Variants in ATXN7L1 observed in about 807,000 individuals in gnomAD.
ATXN7L1 encodes ataxin 7 like 1.
In ATXN7L1, 15 loss-of-function variants were observed where a neutral mutation model predicts 70.8. The observed-to-expected ratio is 0.21, with a 90% CI of 0.14 to 0.33. The LOEUF (loss-of-function observed/expected upper bound fraction) is 0.33, where lower values mean the gene tolerates loss of function less well. Among genes scored for constraint, ATXN7L1 ranks in the 10% least tolerant of loss-of-function variants. ATXN7L1 has a pLI of 1.00. For synonymous variants in ATXN7L1, 440 were observed against 445.1 expected, an observed-to-expected ratio of 0.99 and a Z score of 0.14; for missense variants, 975 against 1,097.1, an observed-to-expected ratio of 0.89 and a Z score of 1.57.
intron 3 of ATXN7L1, among the ~76,000 whole-genome samples, chr7:105,722,352 G>A (rs571643337): frequency 1.3e-3 from 192 of 151,910 alleles, no homozygotes; most frequent in African/African-American, 4.3e-3. Context: ...ACCTGAGGTC[G>A]GGAGTTCAAG....
intron 2 of ATXN7L1, among the ~76,000 whole-genome samples, chr7:105,855,824 C>T (rs1815643424): frequency 6.6e-6 from 1 of 152,146 alleles, no homozygotes; most frequent in African/African-American, 2.4e-5. Flanking sequence ...ATTTACACAG[C>T]ATTTACATTG....
At chr7:105,872,876 C>A (rs979773567) in intron 2 of ATXN7L1, among the ~76,000 whole-genome samples, 2 of 151,976 alleles carry the variant, frequency 1.3e-5, no homozygotes, top group African/African-American at 4.8e-5. Context: ...AACCACCCGC[C>A]GGGCACGGTG....
At chr7:105,663,154 C>A (rs1801982197) in intron 4 of ATXN7L1, among the ~76,000 whole-genome samples, 1 of 152,228 alleles carries the variant, frequency 6.6e-6, no homozygotes, top group African/African-American at 2.4e-5. Context: ...AGACGGATTG[C>A]AGGTTAGTGA....
intron 3 of ATXN7L1, among the ~76,000 whole-genome samples, chr7:105,716,569 C>T (rs932189353): frequency 6.6e-6 from 1 of 152,006 alleles, no homozygotes; most frequent in African/African-American, 2.4e-5. Flanking sequence ...GTGGCTCAGG[C>T]TCATAATCCC....
chr7:105,761,678 A>G (rs1800571131), intron 3 of ATXN7L1, among the ~76,000 whole-genome samples: 1 of 152,108 alleles, frequency 6.6e-6, no homozygotes, highest in African/African-American at 2.4e-5. Context: ...TATTTCTCCT[A>G]GTAGAAAGCA....
chr7:105,772,667 C>A (rs1229574033), intron 3 of ATXN7L1, among the ~76,000 whole-genome samples: 1 of 152,176 alleles, frequency 6.6e-6, no homozygotes, highest in Non-Finnish European at 1.5e-5. Flanking sequence ...ACAGGAGAGA[C>A]TGACACACTT....
At chr7:105,789,869 T>A (rs894630195) in intron 2 of ATXN7L1, among the ~76,000 whole-genome samples, 1 of 151,272 alleles carries the variant, frequency 6.6e-6, no homozygotes, top group Non-Finnish European at 1.5e-5. Context: ...TACATGGATG[T>A]TCACAGCAGC....
intron 3 of ATXN7L1, among the ~76,000 whole-genome samples, chr7:105,673,757 T>C (rs1454566374): frequency 1.3e-5 from 2 of 152,162 alleles, no homozygotes; most frequent in Non-Finnish European, 2.9e-5. Context: ...CCCCCAGCTG[T>C]GGAAATGGAG....
intron 2 of ATXN7L1, among the ~76,000 whole-genome samples, chr7:105,799,480 G>C (rs1432310487): frequency 1.5e-5 from 1 of 66,894 alleles, no homozygotes; most frequent in Non-Finnish European, 3.1e-5. Context: ...GGTCTTAATG[G>C]GTCCTACTGG....
chr7:105,851,556 T>C (rs1260819895), intron 2 of ATXN7L1, among the ~76,000 whole-genome samples: 19 of 152,198 alleles, frequency 1.2e-4, no homozygotes, highest in Admixed American at 1.2e-3. Context: ...CTCAGGAGAT[T>C]TGCATGTATC....
intron 10 of ATXN7L1, among the ~76,000 whole-genome samples, chr7:105,610,857 C>T (rs1337197076): frequency 6.6e-6 from 1 of 152,166 alleles, no homozygotes; most frequent in East Asian, 1.9e-4. Context: ...CCTAGCTGGC[C>T]GGGACAGAAC....
At chr7:105,760,633 G>A in intron 3 of ATXN7L1, 1 of 867,164 alleles carries the variant, frequency 1.2e-6, no homozygotes, top group Non-Finnish European at 1.4e-6. Flanking sequence ...GAGTTGGGAA[G>A]GCAGACATTA....
chr7:105,733,568 TTCCATCCATCCACCCATCCATCCA>T, intron 3 of ATXN7L1, among the ~76,000 whole-genome samples: 1 of 25,948 alleles, frequency 3.9e-5, no homozygotes, highest in African/African-American at 1.7e-4. Flanking sequence ...CCATCCATCC[TTCCATCCATCCACCCATCCATCCA>T]TCCATCCATC....
intron 3 of ATXN7L1, among the ~76,000 whole-genome samples, chr7:105,731,771 A>AAGAGAAG (rs377098222): frequency 1.6e-5 from 1 of 64,088 alleles, no homozygotes; most frequent in African/African-American, 7.9e-5. Context: ...AAGAAAAGAA[A>AAGAGAAG]AGAAAAGAAA....
At chr7:105,636,695 C>G (rs886404378) in intron 7 of ATXN7L1, among the ~76,000 whole-genome samples, 4 of 152,110 alleles carry the variant, frequency 2.6e-5, no homozygotes, top group Admixed American at 6.5e-5. Flanking sequence ...GTGCCTCCAT[C>G]AGTCAAAAAT....
chr7:105,624,281 C>T lies in ATXN7L1; in HGVS notation c.1203-14G>A, dbSNP rs141679509. On this transcript the variant is annotated splice_polypyrimidine_tract_variant and intron_variant, in intron 7 of 11. Coordinates refer to ENST00000419735, the MANE Select transcript of ATXN7L1 (RefSeq NM_020725.2). Reference sequence around the variant, plus strand: ...GCAGATGATGGTCTAAGGGCAAGAGCGGAGAACAAACAAAATAAACCAAAT... The same window carrying T: ...GCAGATGATGGTCTAAGGGCAAGAGTGGAGAACAAACAAAATAAACCAAAT... 162 of 1,360,918 alleles carry T rather than the reference C, an allele frequency of 1.2e-4. No individual in the cohort carries two copies. Among genetic ancestry groups the T allele is most frequent in the Admixed American group, 3.9e-4 (12 of 31,010 alleles). 84.3% of individuals were successfully genotyped at this position (1,360,918 alleles called of 1,614,324 possible).
intron 9 of ATXN7L1, among the ~76,000 whole-genome samples, chr7:105,619,968 A>G (rs1022859100): frequency 1.3e-5 from 2 of 152,214 alleles, no homozygotes; most frequent in Non-Finnish European, 2.9e-5. Flanking sequence ...GAGATTACCA[A>G]CACAAAAATG....
At chr7:105,807,145 GC>G (rs1807734446) in intron 2 of ATXN7L1, among the ~76,000 whole-genome samples, 1 of 152,122 alleles carries the variant, frequency 6.6e-6, no homozygotes, top group Admixed American at 6.5e-5. Context: ...CCTTTCTGCT[GC>G]CCCACCACAA....
At chr7:105,810,249 T>C (rs1422876873) in intron 2 of ATXN7L1, among the ~76,000 whole-genome samples, 1 of 152,180 alleles carries the variant, frequency 6.6e-6, no homozygotes, top group Non-Finnish European at 1.5e-5. Flanking sequence ...TTCAGAGTGG[T>C]CTTTCACAGC....
Sources: gnomAD v4.1 joint callset for allele counts (sites outside exome capture counted in the v4.1 genomes callset) on GRCh38, gnomAD v4.1.1 for gene constraint, MANE v1.5 for transcripts, NCBI Gene and HGNC (gene_info 2026-07-23, HGNC 2026-07-21) for gene names.